STYXL2: variants seen among roughly 807,000 people sequenced by gnomAD.
STYXL2 encodes the protein serine/threonine/tyrosine interacting like 2, also known as serine/threonine/tyrosine-interacting-like protein 2.
STYXL2 carries 44 observed loss-of-function variants against 52.4 expected under a neutral mutation model. The ratio of observed to expected loss-of-function variants is 0.84; its 90% CI spans 0.66 to 1.08. The LOEUF (loss-of-function observed/expected upper bound fraction) is 1.08, where lower values mean the gene tolerates loss of function less well. STYXL2 is among the 50% of genes least tolerant of loss of function. The pLI is 0.00. For missense variants in STYXL2, 1,604 were observed against 1,471.7 expected (o/e 1.09, Z -1.47); for synonymous variants, 604 against 586.9 (o/e 1.03, Z -0.42).
At chr1:167,117,026 C>G (rs1235162793) in intron 3 of STYXL2, among the ~76,000 whole-genome samples, 1 of 146,950 alleles carries the variant, frequency 6.8e-6, no homozygotes, top group Non-Finnish European at 1.6e-5. Flanking sequence ...ACACCTAATA[C>G]TTAAGGAACT....
chr1:167,095,969 C>T (rs761747999), intron 2 of STYXL2, among the ~76,000 whole-genome samples: 5 of 152,120 alleles, frequency 3.3e-5, no homozygotes, highest in East Asian at 1.9e-4. Flanking sequence ...CAGGGCACTT[C>T]GCCCAAATGG....
In STYXL2 at chr1:167,113,744, A is replaced by G; in HGVS notation, c.145A>G (p.Ile49Val). ...SMVSDAETES[I>V]FMEPIHLSSA... The stretch of plus-strand genomic sequence containing the variant: ...GGTCTCAGATGCAGAAACAGAAAGC[A>G]TTTTCATGGAACCCATTCACCTCTC... Residue 49 changes from isoleucine (I) to valine (V), a missense_variant, in exon 3 of 6, where the codon ATT becomes GTT. Transcript: ENST00000361200. 1 of 1,614,048 alleles carries G rather than the reference A, an allele frequency of 6.2e-7. No homozygotes were observed. The highest frequency in any genetic ancestry group is 8.5e-7 in the Non-Finnish European group (1 of 1,179,944).
In STYXL2 at chr1:167,113,796, T is replaced by C; in HGVS notation, c.197T>C (p.Ile66Thr). 1 of 1,613,200 alleles carries C rather than the reference T, an allele frequency of 6.2e-7. No individual in the cohort carries two copies. The highest frequency in any genetic ancestry group is 1.1e-5 in the South Asian group (1 of 91,056). Residue 66 changes from isoleucine to threonine, a missense_variant, in exon 3 of 6, where the codon ATC (isoleucine) becomes ACC (threonine). Ile to Thr is a moderately conservative substitution (Grantham distance 89). Transcript: ENST00000361200. ...TCAGCCATTGCAGCCAAACAGATCATCAATGAAGGTAATGCAATCAAAAGC... is the reference window on the plus strand; with the variant it reads ...TCAGCCATTGCAGCCAAACAGATCACCAATGAAGGTAATGCAATCAAAAGC... ...LSSAIAAKQI[I>T]NEELKPPGVR...
At chr1:167,109,359 T>C (rs1169624716) in intron 2 of STYXL2, among the ~76,000 whole-genome samples, 1 of 152,168 alleles carries the variant, frequency 6.6e-6, no homozygotes, top group African/African-American at 2.4e-5. Flanking sequence ...ACAGTGAAAG[T>C]GAGACTGGCC....
chr1:167,110,904 G>A (rs781299328), intron 2 of STYXL2, among the ~76,000 whole-genome samples: 13 of 152,058 alleles, frequency 8.5e-5, no homozygotes, highest in Non-Finnish European at 1.8e-4. Flanking sequence ...AAGCTATCAG[G>A]GTCTCCACCA....
intron 2 of STYXL2, among the ~76,000 whole-genome samples, chr1:167,102,299 T>TAA (rs1667420107): frequency 1.6e-5 from 2 of 127,162 alleles, no homozygotes; most frequent in Non-Finnish European, 3.4e-5. Flanking sequence ...AAGCTGTTTT[T>TAA]TAAAAATATA....
intron 2 of STYXL2, among the ~76,000 whole-genome samples, chr1:167,102,304 A>AAAAT (rs1553247016): frequency 8.0e-5 from 12 of 150,260 alleles, no homozygotes; most frequent in African/African-American, 2.4e-5. Flanking sequence ...GTTTTTTAAA[A>AAAAT]ATATATATAT....
At chr1:167,097,563 A>G (rs1667313825) in intron 2 of STYXL2, among the ~76,000 whole-genome samples, 1 of 152,190 alleles carries the variant, frequency 6.6e-6, no homozygotes, top group South Asian at 2.1e-4. Context: ...TTTGCAGTGG[A>G]GTGTATAGCT....
chr1:167,126,529 C>T lies in STYXL2; in HGVS notation c.1398C>T (p.Arg466=), dbSNP rs1038320391. The T allele has an allele frequency of 6.2e-7, 1 of 1,613,334 alleles. No homozygotes were observed. The change falls in exon 6 of 6, where the codon CGC becomes CGT. Residue 466 remains arginine, a synonymous_variant. Coordinates refer to ENST00000361200, the MANE Select transcript of STYXL2 (RefSeq NM_001080426.3). The part of the protein sequence containing the change: ...ELNRPDHGRR[R]RADSMSSEST... ...ACCGCCCGGACCACGGCAGGAGGCG[C>T]CGCGCAGACTCGATGTCCTCGGAGA...
rs768804671 is a variant in STYXL2 at position 167,128,544 on chromosome 1, T to G, written c.3413T>G (p.Ile1138Ser). The change falls in exon 6 of 6, where the codon ATT becomes AGT. Residue 1138 changes from isoleucine to serine, a missense_variant. Transcript: ENST00000361200. ...GAAGAAATGGACGATGAAGCCATCA[T>G]TGCTGCTTGGAGACGCCGGCAAGAA... ...EEEEMDDEAIIAAWRRRQEET... is the reference protein window; with the variant it reads ...EEEEMDDEAISAAWRRRQEET... 3 of 1,613,864 alleles carry G rather than the reference T, an allele frequency of 1.9e-6. No homozygotes were observed. In the South Asian group the frequency reaches 3.3e-5, roughly 18 times the overall value.
rs367559057 is a variant in STYXL2, at chr1:167,109,553, C to T, written c.111-4157C>T. Among the ~76,000 whole-genome samples the T allele has an allele frequency of 5.9e-5, 9 of 152,284 alleles. No homozygotes were observed. In the East Asian group the frequency reaches 1.5e-3, roughly 26 times the overall value. On this transcript the variant is annotated intron_variant, in intron 2 of 5. Transcript: ENST00000361200. ...TCCGAGGAGAGTCTGAGCTCAGACA[C>T]ACCTAACCCTGCCCCCACCTTATGG...
At chr1:167,111,511 T>TATAC (rs1240307017) in intron 2 of STYXL2, among the ~76,000 whole-genome samples, 4 of 42,742 alleles carry the variant, frequency 9.4e-5, no homozygotes, top group African/African-American at 3.9e-4. Flanking sequence ...TATATATATA[T>TATAC]ATACACACAC....
Position 167,126,273 on chromosome 1 carries a change from G to T in STYXL2, c.1142G>T (p.Gly381Val). Residue 381 changes from glycine (G) to valine (V), a missense_variant, in exon 6 of 6, where the codon GGG becomes GTG. Physicochemically the swap from Gly to Val is moderately radical, Grantham distance 109 (BLOSUM62 -3). Coordinates refer to ENST00000361200, the MANE Select transcript of STYXL2 (RefSeq NM_001080426.3). ...CGCTCAGCCTCCTCTGGCCAGGGTG[G>T]GGAGGAGCTCGAGGACGAGGACGTG... is the stretch of plus-strand genomic sequence containing the variant. Reference protein sequence around the residue: ...GWRSASSGQGGEELEDEDVER... With the variant: ...GWRSASSGQGVEELEDEDVER... 1 of 1,542,008 alleles carries T rather than the reference G, an allele frequency of 6.5e-7. No individual in the cohort carries two copies. The highest frequency in any genetic ancestry group is 2.3e-5 in the East Asian group (1 of 43,268).
At chr1:167,122,776 A>G (rs1667886354) in intron 5 of STYXL2, among the ~76,000 whole-genome samples, 1 of 152,046 alleles carries the variant, frequency 6.6e-6, no homozygotes, top group Non-Finnish European at 1.5e-5. Context: ...AGCGATTCTC[A>G]GGCCTCAGCC....
chr1:167,108,219 C>G (rs1384118168), intron 2 of STYXL2, among the ~76,000 whole-genome samples: 1 of 152,170 alleles, frequency 6.6e-6, no homozygotes, highest in African/African-American at 2.4e-5. Flanking sequence ...TCTGTACATC[C>G]ACTCACTCAG....
In STYXL2 at chr1:167,113,809, T is replaced by G. The variant is rs748950349; in HGVS notation, c.205+5T>G. On this transcript the variant is annotated splice_donor_5th_base_variant and intron_variant, in intron 3 of 5. Transcript: ENST00000361200. ...CCAAACAGATCATCAATGAAGGTAA[T>G]GCAATCAAAAGCTGGGTGGAAGCAA... 1 of 1,611,502 alleles carries G rather than the reference T, an allele frequency of 6.2e-7. No homozygotes were observed. The highest frequency in any genetic ancestry group is 1.3e-5 in the African/African-American group (1 of 74,814).
Position 167,127,319 on chromosome 1 carries a change from G to C in STYXL2, c.2188G>C (p.Val730Leu). ...IASIQNWIAN[V>L]VSETLAQKQN... ...CAGTATCCAGAACTGGATTGCCAAT[G>C]TAGTCAGTGAGACCCTTGCTCAGAA... Residue 730 changes from valine (V) to leucine (L), a missense_variant, in exon 6 of 6, where the codon GTA becomes CTA. Val to Leu is a conservative substitution (Grantham distance 32, BLOSUM62 1). Transcript: ENST00000361200. 1.2e-6 allele frequency: 2 copies of C among 1,614,228 alleles called. No individual in the cohort carries two copies. Among genetic ancestry groups the C allele is most frequent in the Non-Finnish European group, 1.7e-6 (2 of 1,180,034 alleles).
chr1:167,102,300 T>TAA (rs139540519), intron 2 of STYXL2, among the ~76,000 whole-genome samples: 24,700 of 113,454 alleles, frequency 0.22, 2,155 homozygotes, highest in African/African-American at 0.27. Context: ...AGCTGTTTTT[T>TAA]AAAAATATAT....
intron 2 of STYXL2, among the ~76,000 whole-genome samples, chr1:167,107,927 G>A (rs2102229771): frequency 6.6e-6 from 1 of 152,330 alleles, no homozygotes. Context: ...GGAAGCAGGA[G>A]AGGACTAACC....
Sources: allele counts gnomAD v4.1 joint callset (sites outside exome capture counted in the v4.1 genomes callset), GRCh38; gene constraint gnomAD v4.1.1; transcripts MANE v1.5; gene names NCBI Gene and HGNC (gene_info 2026-07-23, HGNC 2026-07-21).